The following UNC5D variants were observed in gnomAD, a reference collection of about 807,000 sequenced individuals.
UNC5D encodes unc-5 netrin receptor D.
Under a neutral mutation model 105.4 loss-of-function variants are expected in UNC5D, and 39 were observed. That is an observed-to-expected ratio of 0.37 (90% CI 0.29 to 0.48). UNC5D has a LOEUF of 0.48. Among genes scored for constraint, UNC5D ranks in the 20% least tolerant of loss-of-function variants. The probability of loss-of-function intolerance (pLI) is 0.98; values close to 1 mark genes in which losing one functional copy is unlikely to be tolerated. For synonymous variants in UNC5D, 452 were observed against 450.4 expected (o/e 1.00, Z -0.04); for missense variants, 991 against 1,202.4 (o/e 0.82, Z 2.60).
intron 1 of UNC5D, among the ~76,000 whole-genome samples, chr8:35,386,137 C>G (rs1803382601): frequency 6.6e-6 from 1 of 152,144 alleles, no homozygotes; most frequent in Admixed American, 6.5e-5. Context: ...TTACATCTTT[C>G]TCCCAAGTTT....
Position 35,383,029 on chromosome 8 carries a change from A to G in UNC5D, c.103+147142A>G, listed in dbSNP as rs1585714589. Among the ~76,000 whole-genome samples the G allele has an allele frequency of 4.6e-5, 7 of 152,328 alleles. No individual in the cohort carries two copies. In the South Asian group the frequency reaches 1.2e-3, roughly 27 times the overall value. On this transcript the variant is annotated intron_variant, in intron 1 of 16. Coordinates refer to ENST00000404895, the MANE Select transcript of UNC5D (RefSeq NM_080872.4). ...AATACTCCCTAGTGCAAAGTACAAG[A>G]AAAGGAAGTGCATTTAGTGATGGTT...
chr8:35,667,754 G>A (rs754089215), intron 4 of UNC5D, among the ~76,000 whole-genome samples: 11 of 152,138 alleles, frequency 7.2e-5, no homozygotes, highest in Non-Finnish European at 1.2e-4. Context: ...AGAATGTCCC[G>A]TGGAGATATT....
chr8:35,433,544 C>T (rs1806795174), intron 1 of UNC5D, among the ~76,000 whole-genome samples: 1 of 152,054 alleles, frequency 6.6e-6, no homozygotes, highest in Non-Finnish European at 1.5e-5. Context: ...TATGAAAAGA[C>T]TCCTTTTAAA....
rs76463601 is a variant in UNC5D, at chr8:35,659,688, T to A, written c.571-23859T>A. Among the ~76,000 whole-genome samples, 220 of 152,364 alleles carry A rather than the reference T, an allele frequency of 1.4e-3. 1 individual carries two copies. In the East Asian group the frequency reaches 0.014, roughly 10 times the overall value. On this transcript the variant is annotated intron_variant, in intron 4 of 16. Transcript: ENST00000404895. ...CAGCATCTTGAAGGTGACAGTGATA[T>A]AAATGGGTCTTGTCTCCACAGCAAG... is the stretch of plus-strand genomic sequence containing the variant.
intron 1 of UNC5D, among the ~76,000 whole-genome samples, chr8:35,512,539 G>GTGTATA (rs1487398679): frequency 9.9e-5 from 4 of 40,274 alleles, no homozygotes; most frequent in African/African-American, 5.4e-4. Flanking sequence ...AGATATGTAT[G>GTGTATA]TATATATATA....
At chr8:35,553,133 C>T (rs939949612) in intron 2 of UNC5D, among the ~76,000 whole-genome samples, 1 of 152,084 alleles carries the variant, frequency 6.6e-6, no homozygotes, top group African/African-American at 2.4e-5. Flanking sequence ...ATTTCTGTTA[C>T]CACTGCTAGA....
chr8:35,687,541 A>ATGTT (rs1023426471), intron 7 of UNC5D, among the ~76,000 whole-genome samples: 7 of 152,196 alleles, frequency 4.6e-5, no homozygotes, highest in Admixed American at 2.6e-4. Context: ...AGCAAGTAGA[A>ATGTT]TGTTTGTTTC....
At chr8:35,434,638 A>T (rs1317463042) in intron 1 of UNC5D, among the ~76,000 whole-genome samples, 1 of 152,150 alleles carries the variant, frequency 6.6e-6, no homozygotes, top group African/African-American at 2.4e-5. Context: ...AAATCAAGAT[A>T]CAAAACTTGT....
intron 4 of UNC5D, among the ~76,000 whole-genome samples, chr8:35,635,457 G>C (rs1430563476): frequency 6.6e-6 from 1 of 152,148 alleles, no homozygotes; most frequent in East Asian, 1.9e-4. Context: ...CAGGAAACCA[G>C]CTCTGGCTTT....
At chr8:35,359,604 A>C (rs1204241349) in intron 1 of UNC5D, among the ~76,000 whole-genome samples, 1 of 152,180 alleles carries the variant, frequency 6.6e-6, no homozygotes, top group Non-Finnish European at 1.5e-5. Flanking sequence ...GTTTTGCAAA[A>C]TATAGTGAAA....
At chr8:35,422,690 G>A (rs115483840) in intron 1 of UNC5D, among the ~76,000 whole-genome samples, 3,642 of 152,298 alleles carry the variant, frequency 0.024, 144 homozygotes, top group African/African-American at 0.081. Flanking sequence ...TGAAATCATA[G>A]TAATGGAGAA....
intron 7 of UNC5D, among the ~76,000 whole-genome samples, chr8:35,700,394 A>T (rs1827107038): frequency 6.6e-6 from 1 of 152,188 alleles, no homozygotes; most frequent in South Asian, 2.1e-4. Context: ...TTAGGGACCC[A>T]TAACTGACAG....
chr8:35,757,996 A>G (rs1348577499), intron 13 of UNC5D, among the ~76,000 whole-genome samples: 1 of 152,222 alleles, frequency 6.6e-6, no homozygotes, highest in Non-Finnish European at 1.5e-5. Context: ...GCTAACAGCC[A>G]CTTTAGCTAG....
chr8:35,751,753 G>A (rs1830290599), intron 13 of UNC5D, among the ~76,000 whole-genome samples: 1 of 152,144 alleles, frequency 6.6e-6, no homozygotes, highest in Admixed American at 6.5e-5. Flanking sequence ...AAGAGAGAAG[G>A]GCTAAACTAA....
chr8:35,389,427 G>A (rs901011192), intron 1 of UNC5D, among the ~76,000 whole-genome samples: 5 of 152,038 alleles, frequency 3.3e-5, no homozygotes, highest in Admixed American at 2.6e-4. Context: ...CAGGCTTTTG[G>A]ACCACACTTT....
chr8:35,565,872 A>T (rs923337725), intron 2 of UNC5D, among the ~76,000 whole-genome samples: 1 of 152,116 alleles, frequency 6.6e-6, no homozygotes, highest in Non-Finnish European at 1.5e-5. Flanking sequence ...AACTTTTTAA[A>T]AACCTTCCTT....
intron 1 of UNC5D, among the ~76,000 whole-genome samples, chr8:35,453,521 G>A (rs1460939647): frequency 6.6e-6 from 1 of 152,144 alleles, no homozygotes; most frequent in African/African-American, 2.4e-5. Flanking sequence ...AGTCTTAAAA[G>A]CAGTAAGAGA....
At chr8:35,656,665 A>T (rs1429129339) in intron 4 of UNC5D, among the ~76,000 whole-genome samples, 2 of 152,014 alleles carry the variant, frequency 1.3e-5, no homozygotes, top group Non-Finnish European at 1.5e-5. Flanking sequence ...TAGGATTTGG[A>T]TCTAATCTAG....
chr8:35,724,437 G>A, intron 9 of UNC5D: 2 of 905,082 alleles, frequency 2.2e-6, no homozygotes, highest in South Asian at 2.1e-5. Context: ...CTTTTAAATA[G>A]AATGCCATAC....
Sources: allele counts gnomAD v4.1 joint callset (sites outside exome capture counted in the v4.1 genomes callset), GRCh38; gene constraint gnomAD v4.1.1; transcripts MANE v1.5; gene names NCBI Gene and HGNC (gene_info 2026-07-23, HGNC 2026-07-21).